The following CLPP variants were observed in gnomAD, a reference collection of about 807,000 sequenced individuals.
CLPP encodes the protein ATP-dependent Clp protease proteolytic subunit, mitochondrial.
In CLPP, 14 loss-of-function variants were observed where a neutral mutation model predicts 27.4. The ratio of observed to expected loss-of-function variants is 0.51; its 90% CI spans 0.34 to 0.80. The LOEUF (loss-of-function observed/expected upper bound fraction) is 0.80. Among genes scored for constraint, CLPP ranks in the 30% least tolerant of loss-of-function variants. CLPP has a pLI of 0.02. For synonymous variants in CLPP, 193 were observed against 166.6 expected (o/e 1.16, Z -1.22); for missense variants, 361 against 403.6 (o/e 0.89, Z 0.90).
intron 3 of CLPP, among the ~76,000 whole-genome samples, chr19:6,363,746 A>C (rs1343828101): frequency 2.6e-5 from 4 of 151,666 alleles, no homozygotes; most frequent in African/African-American, 9.7e-5. Context: ...AAAAATACAA[A>C]AATTAGCCGG....
At position 6,361,628 on chromosome 19, in the gene CLPP, C is replaced by G; in HGVS notation, c.54C>G (p.Pro18=). 1 of 1,423,934 alleles carries G rather than the reference C, an allele frequency of 7.0e-7. No individual in the cohort carries two copies. The highest frequency in any genetic ancestry group is 2.8e-5 in the East Asian group (1 of 35,370). 88.2% of individuals were successfully genotyped at this position (1,423,934 alleles called of 1,614,324 possible). A position where few individuals can be genotyped will look rare whatever the true frequency, so the allele number is the denominator to read the frequency against. ...CCCGGGTGGCGTCATGCAGGTACCCCGCGCTGGGGCCTCGCCTCGCCGCTC... is the reference window on the plus strand; with the variant it reads ...CCCGGGTGGCGTCATGCAGGTACCCGGCGCTGGGGCCTCGCCTCGCCGCTC... The part of the protein sequence containing the change: ...GGARVASCRY[P]ALGPRLAAHF... Residue 18 remains proline, a synonymous_variant, in exon 1 of 6, where the codon CCC becomes CCG. Transcript: ENST00000245816.
At chr19:6,362,015 C>G in intron 2 of CLPP, 75 bp downstream of exon 2, 1 of 1,388,894 alleles carries the variant, frequency 7.2e-7, no homozygotes, top group South Asian at 1.2e-5. Context: ...CCCTCCTTCC[C>G]TGGCCCCAGA....
intron 5 of CLPP, among the ~76,000 whole-genome samples, chr19:6,366,569 G>A (rs766618612): frequency 2.0e-4 from 30 of 152,102 alleles, no homozygotes; most frequent in Admixed American, 2.0e-4. Context: ...TTGTAATCCA[G>A]TTACTCGGGA....
Position 6,361,698 on chromosome 19 carries a change from C to T in CLPP, c.124C>T (p.Leu42=). 1 of 1,500,274 alleles carries T rather than the reference C, an allele frequency of 6.7e-7. No individual in the cohort carries two copies. Among genetic ancestry groups the T allele is most frequent in the Non-Finnish European group, 8.9e-7 (1 of 1,127,434 alleles). The allele number at this position is 1,500,274 out of a possible 1,614,324, so 92.9% of individuals were successfully genotyped here. The change falls in exon 1 of 6, where the codon CTG becomes TTG. Residue 42 remains leucine (L), a synonymous_variant. Transcript: ENST00000245816. ...GCCGCAGCGGACACTCCAGAACGGC[C>T]TGGCCCTGCAGCGGTGCCTGCACGC... ...RPPQRTLQNG[L]ALQRCLHATA... is the part of the protein sequence containing the mutation.
Position 6,364,578 on chromosome 19 carries a change from G to C in CLPP, c.494G>C (p.Gly165Ala). The change falls in exon 4 of 6, where the codon GGC becomes GCC. Residue 165 changes from glycine to alanine, a missense_variant. By Grantham distance (60) the Gly-to-Ala change is moderately conservative. Around this residue, in one of 2 missense-constraint regions of CLPP, gnomAD observed 213 missense variants for 280.9 expected, o/e 0.76. Coordinates refer to ENST00000245816, the MANE Select transcript of CLPP (RefSeq NM_006012.4). Reference protein sequence around the residue: ...GSLLLAAGTPGMRHSLPNSRI... With the variant: ...GSLLLAAGTPAMRHSLPNSRI... ...CTGCTTCTCGCCGCCGGCACCCCAGGCATGCGCCACTCGCTCCCCAACTCC... is the reference window on the plus strand; with the variant it reads ...CTGCTTCTCGCCGCCGGCACCCCAGCCATGCGCCACTCGCTCCCCAACTCC... 6.2e-7 allele frequency: 1 copy of C among 1,613,174 alleles called. No homozygotes were observed. Among genetic ancestry groups the C allele is most frequent in the Non-Finnish European group, 8.5e-7 (1 of 1,179,898 alleles).
chr19:6,361,853 A>G lies in CLPP; in HGVS notation c.199-16A>G, dbSNP rs1042680487. 6.9e-6 allele frequency: 11 copies of G among 1,592,248 alleles called. No homozygotes were observed. In the Admixed American group the frequency reaches 1.3e-4, roughly 19 times the overall value. On this transcript the variant is annotated splice_polypyrimidine_tract_variant and intron_variant, in intron 1 of 5. Coordinates refer to ENST00000245816, the MANE Select transcript of CLPP (RefSeq NM_006012.4). Reference sequence around the variant, plus strand: ...CTGGCTGCCCCGGCCCCTCACCTCCATCTTTCTACCCCCAGGGTCGCGGCG... The same window carrying G: ...CTGGCTGCCCCGGCCCCTCACCTCCGTCTTTCTACCCCCAGGGTCGCGGCG...
chr19:6,364,803 A>G (rs2091854236), intron 4 of CLPP, 164 bp downstream of exon 4: 1 of 649,272 alleles, frequency 1.5e-6, no homozygotes. Context: ...ATCTCGGCTC[A>G]CTGCAAGCTC....
chr19:6,366,200 G>A (rs2091861474), intron 4 of CLPP, 58 bp from the exon 5 acceptor site: 3 of 1,242,524 alleles, frequency 2.4e-6, no homozygotes, highest in Admixed American at 3.9e-5. Flanking sequence ...CAGCCTCCCT[G>A]TGAGGGGCTG....
chr19:6,363,041 T>C (rs1367193934), intron 3 of CLPP, among the ~76,000 whole-genome samples: 2 of 151,742 alleles, frequency 1.3e-5, no homozygotes, highest in East Asian at 1.9e-4. Context: ...AGTGAGCCCA[T>C]CTCAAAAATA....
rs2091874822 is a variant in CLPP, at chr19:6,368,901, TTGCTC to T, written c.*195_*199del. On this transcript the variant is annotated 3_prime_UTR_variant, in exon 6 of 6. Coordinates refer to ENST00000245816, the MANE Select transcript of CLPP (RefSeq NM_006012.4). Reference sequence around the variant, plus strand: ...ATTTTAAATTAAATCTTTGTGGTCTTTGCTCTGCGTCTGGGACACCCTCCCTTCTG... The same window carrying T: ...ATTTTAAATTAAATCTTTGTGGTCTTTGCGTCTGGGACACCCTCCCTTCTG... 1.7e-6 allele frequency: 1 copy of T among 601,162 alleles called. No homozygotes were observed. The highest frequency in any genetic ancestry group is 3.0e-5 in the Admixed American group (1 of 33,386). The allele number at this position is 601,162 out of a possible 1,614,324, so 37.2% of individuals were successfully genotyped here.
chr19:6,362,518 A>G lies in CLPP; in HGVS notation c.343A>G (p.Ile115Val). The change falls in exon 3 of 6, where the codon ATC becomes GTC. Residue 115 changes from isoleucine to valine, a missense_variant. Ile to Val is a conservative substitution (Grantham distance 29). This residue lies in a region of CLPP where 213 missense variants were observed against 280.9 expected (regional missense o/e 0.76). Transcript: ENST00000245816. The part of the protein sequence containing the change: ...FLQSESNKKP[I>V]HMYINSPGGV... ...GCAATCCGAGAGCAACAAGAAGCCCATCCACATGTACATCAACAGCCCTGG... is the reference window on the plus strand; with the variant it reads ...GCAATCCGAGAGCAACAAGAAGCCCGTCCACATGTACATCAACAGCCCTGG... 6.2e-7 allele frequency: 1 copy of G among 1,613,860 alleles called. No homozygotes were observed. Among genetic ancestry groups the G allele is most frequent in the Non-Finnish European group, 8.5e-7 (1 of 1,179,770 alleles).
intron 2 of CLPP, 64 bp downstream of exon 2, chr19:6,362,004 C>T: frequency 1.4e-6 from 2 of 1,445,296 alleles, no homozygotes; most frequent in Non-Finnish European, 1.9e-6. Context: ...ACTCCCTGCG[C>T]CCCTCCTTCC....
Position 6,370,023 on chromosome 19 carries a change from T to C in CLPP, c.*1313T>C, listed in dbSNP as rs546773793. Among the ~76,000 whole-genome samples the C allele has an allele frequency of 3.9e-4, 59 of 152,206 alleles. No homozygotes were observed. Among genetic ancestry groups the C allele is most frequent in the African/African-American group, 1.3e-3 (52 of 41,548 alleles). ...CGAGTGATGAGAAAAAGTCAGATTC[T>C]AGCTAGGTGGGATGTGACAGAGAGC... On this transcript the variant is annotated 3_prime_UTR_variant, in exon 6 of 6. Coordinates refer to ENST00000245816, the MANE Select transcript of CLPP (RefSeq NM_006012.4).
chr19:6,361,596 G>A lies in CLPP; in HGVS notation c.22G>A (p.Gly8Arg). 7.1e-7 allele frequency: 1 copy of A among 1,411,092 alleles called. No individual in the cohort carries two copies. Among genetic ancestry groups the A allele is most frequent in the Non-Finnish European group, 9.3e-7 (1 of 1,081,060 alleles). 87.4% of individuals were successfully genotyped at this position (1,411,092 alleles called of 1,614,324 possible). The change falls in exon 1 of 6, where the codon GGG becomes AGG. Residue 8 changes from glycine to arginine, a missense_variant. This residue lies in a region of CLPP where 148 missense variants were observed against 122.6 expected (regional missense o/e 1.21). Transcript: ENST00000245816. ...AGGGATGTGGCCCGGAATATTGGTA[G>A]GGGGGGCCCGGGTGGCGTCATGCAG... is the stretch of plus-strand genomic sequence containing the variant. The part of the protein sequence containing the change: MWPGILV[G>R]GARVASCRYP...
At position 6,364,655 on chromosome 19, in the gene CLPP, G is replaced by A. The variant is rs74894429; in HGVS notation, c.555+16G>A. 7.6e-4 allele frequency: 1,215 copies of A among 1,600,886 alleles called. 13 individuals are homozygous for A. In the East Asian group the frequency reaches 0.019, roughly 25 times the overall value. ...AGGCGCCCGGGTGAGTGCCAGACAC[G>A]CGAGCTGCTGTTGGGAATCAGGACA... On this transcript the variant is annotated intron_variant, in intron 4 of 5. Transcript: ENST00000245816.
At position 6,366,334 on chromosome 19, in the gene CLPP, A is replaced by G. The variant is rs758879970; in HGVS notation, c.632A>G (p.Lys211Arg). 4 of 1,612,476 alleles carry G rather than the reference A, an allele frequency of 2.5e-6. No individual in the cohort carries two copies. Among genetic ancestry groups the G allele is most frequent in the Non-Finnish European group, 3.4e-6 (4 of 1,179,226 alleles). ...LKKQLYNIYAKHTKQSLQVIE... is the reference protein window; with the variant it reads ...LKKQLYNIYARHTKQSLQVIE... ...AAGCAGCTCTATAACATCTACGCCA[A>G]GCACACCAAACAGAGCCTGCAGGTG... is the stretch of plus-strand genomic sequence containing the variant. Residue 211 changes from lysine to arginine, a missense_variant, in exon 5 of 6, where the codon AAG (lysine) becomes AGG (arginine). Physicochemically the swap from Lys to Arg is conservative, Grantham distance 26 (BLOSUM62 2). Around this residue, in one of 2 missense-constraint regions of CLPP, gnomAD observed 213 missense variants for 280.9 expected, o/e 0.76. Transcript: ENST00000245816.
intron 3 of CLPP, among the ~76,000 whole-genome samples, chr19:6,363,066 A>AT (rs766297445): frequency 8.6e-5 from 13 of 151,040 alleles, no homozygotes; most frequent in East Asian, 1.9e-4. Flanking sequence ...TAATTGGTAG[A>AT]TTTTTTCCCC....
Position 6,364,591 on chromosome 19 carries a change from G to T in CLPP, c.507G>T (p.Ser169=). 1.2e-6 allele frequency: 2 copies of T among 1,612,746 alleles called. No individual in the cohort carries two copies. Residue 169 remains serine, a synonymous_variant, in exon 4 of 6, where the codon TCG becomes TCT. Coordinates refer to ENST00000245816, the MANE Select transcript of CLPP (RefSeq NM_006012.4). ...LAAGTPGMRH[S]LPNSRIMIHQ... is the part of the protein sequence containing the mutation. ...CCGGCACCCCAGGCATGCGCCACTC[G>T]CTCCCCAACTCCCGTATCATGATCC...
rs142782981 is a variant in CLPP at position 6,366,152 on chromosome 19, G to GAAGCCCA, written c.556-98_556-92dup. On this transcript the variant is annotated intron_variant, in intron 4 of 5. Coordinates refer to ENST00000245816, the MANE Select transcript of CLPP (RefSeq NM_006012.4). ...ACCCCAGCCCACCAGCCTCAAACCGGAAGCCCAAAGCCCAGGGAAGCTCCT... is the reference window on the plus strand; with the variant it reads ...ACCCCAGCCCACCAGCCTCAAACCGGAAGCCCAAAGCCCAAAGCCCAGGGAAGCTCCT... 2,491 of 686,578 alleles carry GAAGCCCA rather than the reference G, an allele frequency of 3.6e-3. 48 individuals are homozygous for GAAGCCCA. The African/African-American group carries it at 0.042, about 12-fold the overall frequency. 42.5% of individuals were successfully genotyped at this position (686,578 alleles called of 1,614,324 possible).
Sources: allele counts gnomAD v4.1 joint callset (sites outside exome capture counted in the v4.1 genomes callset), GRCh38; gene constraint gnomAD v4.1.1; regional missense constraint gnomAD v4.1.1; transcripts MANE v1.5; gene names NCBI Gene and HGNC (gene_info 2026-07-23, HGNC 2026-07-21).